The following HYCC1 variants were observed in gnomAD, a reference collection of about 807,000 sequenced individuals.
HYCC1 encodes the protein hyccin.
chr7:22,928,922 G>C, the HYCC1 span, among the ~76,000 whole-genome samples: 1 of 152,012 alleles, frequency 6.6e-6, no homozygotes, highest in Admixed American at 6.6e-5. Context: ...GAGGCATCAT[G>C]CTACCTGACT....
the HYCC1 span, among the ~76,000 whole-genome samples, chr7:22,897,665 G>C: frequency 2.6e-5 from 4 of 152,136 alleles, no homozygotes; most frequent in African/African-American, 7.2e-5. Flanking sequence ...TTGCTCTGTT[G>C]CCCAGGGTGG....
chr7:22,968,545 C>T, the HYCC1 span, among the ~76,000 whole-genome samples: 1 of 152,152 alleles, frequency 6.6e-6, no homozygotes, highest in African/African-American at 2.4e-5. Context: ...ACAACCAAAG[C>T]AATATTTAAC....
chr7:22,951,457 C>T, the HYCC1 span, among the ~76,000 whole-genome samples: 68 of 151,930 alleles, frequency 4.5e-4, no homozygotes, highest in Middle Eastern at 3.4e-3. Flanking sequence ...TATTTGTCTG[C>T]ATCATACAAT....
At chr7:22,968,336 A>G in the HYCC1 span, among the ~76,000 whole-genome samples, 9 of 152,288 alleles carry the variant, frequency 5.9e-5, no homozygotes, top group African/African-American at 2.2e-4. Flanking sequence ...GCAGGATAGA[A>G]GGCAGATGTA....
At chr7:23,013,996 C>A in the HYCC1 span, 1 of 471,002 alleles carries the variant, frequency 2.1e-6, no homozygotes, top group Admixed American at 2.3e-5. Flanking sequence ...ACGGAGGCTG[C>A]TCTGCTTCCT....
At chr7:23,002,462 T>C in the HYCC1 span, among the ~76,000 whole-genome samples, 2 of 152,098 alleles carry the variant, frequency 1.3e-5, no homozygotes, top group Admixed American at 1.3e-4. Flanking sequence ...CTTGAACACC[T>C]AGGAACACAA....
the HYCC1 span, among the ~76,000 whole-genome samples, chr7:22,998,448 T>C: frequency 6.6e-6 from 1 of 152,138 alleles, no homozygotes; most frequent in Non-Finnish European, 1.5e-5. Context: ...ACATAGCACA[T>C]GACTCAGTGG....
the HYCC1 span, among the ~76,000 whole-genome samples, chr7:22,984,451 G>GCCAGTAA: frequency 6.6e-6 from 1 of 152,154 alleles, no homozygotes; most frequent in African/African-American, 2.4e-5. Context: ...CAGGCGCAGT[G>GCCAGTAA]TCTCATGCCT....
At chr7:22,907,104 C>CAAAAAAAAAAAAAAAAAAAAAAAA in the HYCC1 span, among the ~76,000 whole-genome samples, 1 of 43,540 alleles carries the variant, frequency 2.3e-5, no homozygotes, top group Non-Finnish European at 4.1e-5. Context: ...GACTCTATCT[C>CAAAAAAAAAAAAAAAAAAAAAAAA]AAAAAAAAAA....
chr7:22,917,817 T>C, the HYCC1 span, among the ~76,000 whole-genome samples: 1 of 152,184 alleles, frequency 6.6e-6, no homozygotes, highest in Admixed American at 6.5e-5. Context: ...AGTGGCAAGG[T>C]ACAATCCAAT....
chr7:22,979,343 C>G, the HYCC1 span, among the ~76,000 whole-genome samples: 1 of 152,116 alleles, frequency 6.6e-6, no homozygotes, highest in African/African-American at 2.4e-5. Context: ...GAAAAATTAC[C>G]TAACTTCTGA....
chr7:22,989,450 T>C, the HYCC1 span, among the ~76,000 whole-genome samples: 1 of 152,120 alleles, frequency 6.6e-6, no homozygotes, highest in Admixed American at 6.6e-5. Context: ...TGGGCTCAAG[T>C]GTTCCTCCCA....
At chr7:22,992,728 G>C in the HYCC1 span, among the ~76,000 whole-genome samples, 20 of 151,916 alleles carry the variant, frequency 1.3e-4, no homozygotes, top group Non-Finnish European at 2.4e-4. Flanking sequence ...GTTTTCTTTT[G>C]TATGAATTCC....
At chr7:22,967,900 G>C in the HYCC1 span, among the ~76,000 whole-genome samples, 2 of 152,066 alleles carry the variant, frequency 1.3e-5, no homozygotes, top group Non-Finnish European at 2.9e-5. Flanking sequence ...TAGGTACCGT[G>C]GTATAGTATC....
chr7:22,993,230 A>G, the HYCC1 span, among the ~76,000 whole-genome samples: 1 of 152,188 alleles, frequency 6.6e-6, no homozygotes, highest in Admixed American at 6.6e-5. Context: ...TGCTGTATGC[A>G]AAAATAAAAA....
At chr7:22,997,556 G>C in the HYCC1 span, among the ~76,000 whole-genome samples, 1 of 152,164 alleles carries the variant, frequency 6.6e-6, no homozygotes, top group Non-Finnish European at 1.5e-5. Context: ...ACAGAATGGA[G>C]AGAAATGTTC....
chr7:22,913,836 G>A, the HYCC1 span, among the ~76,000 whole-genome samples: 2 of 152,150 alleles, frequency 1.3e-5, no homozygotes, highest in Non-Finnish European at 2.9e-5. Context: ...GACATTTGGT[G>A]CCAAAGACCC....
chr7:22,991,908 T>C, the HYCC1 span, among the ~76,000 whole-genome samples: 1 of 152,094 alleles, frequency 6.6e-6, no homozygotes, highest in Non-Finnish European at 1.5e-5. Flanking sequence ...TTAATTTTCA[T>C]CAGCATTATA....
chr7:22,930,183 G>A, the HYCC1 span, among the ~76,000 whole-genome samples: 1 of 126,682 alleles, frequency 7.9e-6, no homozygotes, highest in Non-Finnish European at 1.6e-5. Context: ...CACACACCGG[G>A]GACTGTTGTG....
Sources: gnomAD v4.1 joint callset for allele counts (sites outside exome capture counted in the v4.1 genomes callset) on GRCh38, gnomAD v4.1.1 for gene constraint, MANE v1.5 for transcripts, NCBI Gene and HGNC (gene_info 2026-07-23, HGNC 2026-07-21) for gene names.